Variants in MYLK3 observed in about 807,000 individuals in gnomAD.
The protein encoded by MYLK3 is myosin light chain kinase 3, also known as MLC kinase.
Under a neutral mutation model 76.3 loss-of-function variants are expected in MYLK3, and 55 were observed. The observed-to-expected ratio is 0.72, with a 90% CI of 0.58 to 0.90. The LOEUF (loss-of-function observed/expected upper bound fraction) is 0.90, where lower values mean the gene tolerates loss of function less well. Among genes scored for constraint, MYLK3 ranks in the 40% least tolerant of loss-of-function variants. The pLI is 0.00. For synonymous variants in MYLK3, 416 were observed against 425.4 expected, an observed-to-expected ratio of 0.98 and a Z score of 0.27; for missense variants, 973 against 1,053.6, an observed-to-expected ratio of 0.92 and a Z score of 1.06.
intron 3 of MYLK3, among the ~76,000 whole-genome samples, chr16:46,736,832 A>G (rs1248129055): frequency 1.3e-5 from 2 of 152,134 alleles, no homozygotes; most frequent in Non-Finnish European, 2.9e-5. Context: ...CCGGGGCCAC[A>G]GCGCCCTTCA....
At chr16:46,729,255 G>A (rs1966847888) in intron 6 of MYLK3, 122 bp from the exon 7 acceptor site, 5 of 768,048 alleles carry the variant, frequency 6.5e-6, no homozygotes, top group Middle Eastern at 2.3e-4. Flanking sequence ...CTCACACCAG[G>A]TCTCCCTGAC....
At chr16:46,756,408 C>T (rs1351639806) in intron 1 of MYLK3, among the ~76,000 whole-genome samples, 1 of 152,108 alleles carries the variant, frequency 6.6e-6, no homozygotes, top group Non-Finnish European at 1.5e-5. Context: ...ATATCATGCA[C>T]AAAACAGAGA....
At chr16:46,729,250 A>G in intron 6 of MYLK3, 117 bp from the exon 7 acceptor site, 2 of 792,964 alleles carry the variant, frequency 2.5e-6, no homozygotes. Context: ...CTATTCTCAC[A>G]CCAGGTCTCC....
intron 12 of MYLK3, 48 bp downstream of exon 12, chr16:46,709,491 C>G (rs1384153143): frequency 1.3e-6 from 2 of 1,557,698 alleles, no homozygotes; most frequent in South Asian, 2.4e-5. Context: ...TTTCCAAGGA[C>G]AGATTAGGAT....
At chr16:46,752,240 CTTTG>C (rs1161017618), upstream of MYLK3, among the ~76,000 whole-genome samples, 1 of 151,952 alleles carries the variant, frequency 6.6e-6, no homozygotes, top group Non-Finnish European at 1.5e-5. Context: ...TTTTATTTTA[CTTTG>C]TTTTTTTCTA....
upstream of MYLK3, among the ~76,000 whole-genome samples, chr16:46,748,686 T>C (rs1223995913): frequency 6.6e-6 from 1 of 152,100 alleles, no homozygotes; most frequent in Non-Finnish European, 1.5e-5. The surrounding 1 kb of genome is among the most constrained non-coding windows in gnomAD (Gnocchi z 4.3). Flanking sequence ...AGAGTCACAA[T>C]AAAAAGCAAG....
At chr16:46,720,055 G>A (rs1966784091) in intron 9 of MYLK3, among the ~76,000 whole-genome samples, 2 of 152,172 alleles carry the variant, frequency 1.3e-5, no homozygotes, top group Non-Finnish European at 2.9e-5. Flanking sequence ...GCAGGCGCCT[G>A]TAATCCCAAC....
chr16:46,713,969 C>T (rs1966710766), intron 9 of MYLK3, among the ~76,000 whole-genome samples: 1 of 152,176 alleles, frequency 6.6e-6, no homozygotes, highest in African/African-American at 2.4e-5. Context: ...ATTTTTTATC[C>T]ACTGATGGAC....
intron 1 of MYLK3, among the ~76,000 whole-genome samples, chr16:46,761,790 C>A (rs914498842): frequency 3.3e-5 from 5 of 152,080 alleles, no homozygotes; most frequent in African/African-American, 1.2e-4. Flanking sequence ...TGCACTCCAG[C>A]CTGGGCAACA....
chr16:46,740,070 C>T lies in MYLK3; in HGVS notation c.555G>A (p.Arg185=). ...GGTCCCACTCACCTTCCCCAGGCTC[C>T]CTGGCATCAGACTGCACCCCACTGG... is the stretch of plus-strand genomic sequence containing the variant. The part of the protein sequence containing the change: ...LSTSGVQSDA[R]EPGEESQKAD... The change falls in exon 2 of 13, where the codon AGG becomes AGA. Residue 185 remains arginine (R), a synonymous_variant. Transcript: ENST00000394809. The T allele has an allele frequency of 1.2e-6, 2 of 1,611,014 alleles. No individual in the cohort carries two copies. The highest frequency in any genetic ancestry group is 8.5e-7 in the Non-Finnish European group (1 of 1,177,966).
intron 9 of MYLK3, among the ~76,000 whole-genome samples, chr16:46,714,848 C>A (rs939815886): frequency 1.3e-5 from 2 of 152,154 alleles, no homozygotes. Flanking sequence ...CCAACTGTGC[C>A]CAGTCTAGAT....
intron 9 of MYLK3, 73 bp from the exon 10 acceptor site, chr16:46,712,849 G>A (rs1966698323): frequency 1.4e-6 from 2 of 1,410,372 alleles, no homozygotes; most frequent in Admixed American, 5.1e-5. Flanking sequence ...CTCATTTCTG[G>A]TGGGATGCAG....
chr16:46,748,348 G>T (rs1596774915), upstream of MYLK3: 2 of 1,344,976 alleles, frequency 1.5e-6, no homozygotes, highest in Non-Finnish European at 2.0e-6. This position sits in a 1 kb window ranked among gnomAD's most constrained non-coding sequence, Gnocchi z 4.3. Flanking sequence ...GCTGTGTGAG[G>T]AGCGCAGAGG....
intron 1 of MYLK3, among the ~76,000 whole-genome samples, chr16:46,761,061 G>C (rs1379951807): frequency 6.6e-6 from 1 of 152,162 alleles, no homozygotes; most frequent in African/African-American, 2.4e-5. Flanking sequence ...GCATGTAAGA[G>C]GGAGGCAAAA....
intron 1 of MYLK3, among the ~76,000 whole-genome samples, chr16:46,758,802 G>T (rs1967239208): frequency 6.6e-6 from 1 of 152,204 alleles, no homozygotes; most frequent in Admixed American, 6.5e-5. Context: ...CTGGCTCTGT[G>T]GGTTGAGAGG....
intron 1 of MYLK3, among the ~76,000 whole-genome samples, chr16:46,762,466 C>CAATA (rs1285990982): frequency 6.6e-6 from 1 of 152,120 alleles, no homozygotes; most frequent in Non-Finnish European, 1.5e-5. Context: ...GAACACGGAG[C>CAATA]AATAGACTCC....
At chr16:46,714,460 G>A (rs543499382) in intron 9 of MYLK3, among the ~76,000 whole-genome samples, 5 of 152,148 alleles carry the variant, frequency 3.3e-5, no homozygotes, top group South Asian at 2.1e-4. Flanking sequence ...GCAAGGTGAC[G>A]GGGGTTGAAG....
chr16:46,724,136 T>G (rs1227758551), intron 8 of MYLK3, among the ~76,000 whole-genome samples: 1 of 152,210 alleles, frequency 6.6e-6, no homozygotes, highest in South Asian at 2.1e-4. Context: ...CCTTTGACCA[T>G]TTTTAAATTG....
Position 46,737,846 on chromosome 16 carries a change from G to A in MYLK3, c.866C>T (p.Ser289Leu), listed in dbSNP as rs374905189. The A allele has an allele frequency of 8.1e-6, 13 of 1,613,778 alleles. No homozygotes were observed. Among genetic ancestry groups the A allele is most frequent in the Non-Finnish European group, 3.4e-6 (4 of 1,180,042 alleles). ...GGGCTCAGGGTCAGGCCTGCTGGAC[G>A]ATGCTCCTTGTCCTGCACCTGGTGC... ...EVAPGAGQGA[S>L]SSRPDPEPLE... Residue 289 changes from serine (S) to leucine (L), a missense_variant, in exon 3 of 13, where the codon TCG becomes TTG. Ser to Leu is a moderately radical substitution (Grantham distance 145, BLOSUM62 -2). Around this residue, in one of 2 missense-constraint regions of MYLK3, gnomAD observed 641 missense variants for 637.0 expected, o/e 1.01. Coordinates refer to ENST00000394809, the MANE Select transcript of MYLK3 (RefSeq NM_182493.3).
Sources: allele counts gnomAD v4.1 joint callset (sites outside exome capture counted in the v4.1 genomes callset), GRCh38; gene constraint gnomAD v4.1.1; regional missense constraint gnomAD v4.1.1; non-coding constraint Gnocchi (gnomAD v3.1); transcripts MANE v1.5; gene names NCBI Gene and HGNC (gene_info 2026-07-23, HGNC 2026-07-21).